The following IFT140 variants were observed in gnomAD, a reference collection of about 807,000 sequenced individuals.
IFT140 encodes the protein intraflagellar transport protein 140 homolog.
A neutral mutation model predicts 164.6 loss-of-function variants in IFT140; 133 were observed. The ratio of observed to expected loss-of-function variants is 0.81; its 90% confidence interval spans 0.70 to 0.93. The LOEUF is 0.93. IFT140 is among the 40% of genes least tolerant of loss of function. The probability of loss-of-function intolerance (pLI) is 0.00; values close to 1 mark genes in which losing one functional copy is unlikely to be tolerated. For missense variants in IFT140, 2,045 were observed against 1,972.3 expected, an observed-to-expected ratio of 1.04 and a Z score of -0.70; for synonymous variants, 860 against 817.3, an observed-to-expected ratio of 1.05 and a Z score of -0.89.
intron 30 of IFT140, among the ~76,000 whole-genome samples, chr16:1,516,908 G>GT (rs1262769114): frequency 1.3e-5 from 2 of 152,064 alleles, no homozygotes; most frequent in Admixed American, 6.6e-5. Flanking sequence ...ATCAGAGTGA[G>GT]ACACTGCAGA....
intron 24 of IFT140, chr16:1,524,250 T>C (rs2040606880): frequency 1.7e-6 from 1 of 601,102 alleles, no homozygotes; most frequent in African/African-American, 1.9e-5. Context: ...GCCCAACAGC[T>C]ATCTAGGAAG....
chr16:1,607,591 G>A (rs1405495778), intron 2 of IFT140, among the ~76,000 whole-genome samples: 3 of 152,178 alleles, frequency 2.0e-5, no homozygotes, highest in Non-Finnish European at 2.9e-5. Context: ...AACTACACAC[G>A]CAATCCTCAG....
chr16:1,560,344 G>A (rs904106827), intron 18 of IFT140, among the ~76,000 whole-genome samples: 5 of 152,210 alleles, frequency 3.3e-5, no homozygotes, highest in African/African-American at 1.2e-4. Flanking sequence ...TCTACATGGT[G>A]ACCAGGAACA....
At chr16:1,521,861 G>GAA (rs111953232) in intron 26 of IFT140, among the ~76,000 whole-genome samples, 3 of 107,808 alleles carry the variant, frequency 2.8e-5, no homozygotes, top group Non-Finnish European at 4.0e-5. Context: ...ATCTCCACAA[G>GAA]AAAAAAAAAC....
intron 19 of IFT140, among the ~76,000 whole-genome samples, chr16:1,550,388 C>T (rs527423313): frequency 3.9e-5 from 6 of 152,346 alleles, no homozygotes; most frequent in South Asian, 4.1e-4. Flanking sequence ...ATGCTCTAAA[C>T]GACGCATTTT....
intron 19 of IFT140, among the ~76,000 whole-genome samples, chr16:1,543,633 C>T (rs142421538): frequency 1.5e-3 from 224 of 152,336 alleles, no homozygotes; most frequent in African/African-American, 5.0e-3. Flanking sequence ...TTTCTGCCCC[C>T]ACCCAACTGA....
chr16:1,560,625 T>C (rs2033353081), intron 18 of IFT140, among the ~76,000 whole-genome samples: 1 of 152,164 alleles, frequency 6.6e-6, no homozygotes, highest in South Asian at 2.1e-4. Context: ...TTGGCTTCTG[T>C]GGCCATGCAG....
intron 25 of IFT140, 31 bp downstream of exon 25, chr16:1,523,797 C>G: frequency 9.9e-6 from 16 of 1,608,740 alleles, no homozygotes; most frequent in Non-Finnish European, 1.4e-5. Context: ...GCTGCCCCTC[C>G]CCCAGGTCCC....
chr16:1,596,012 C>T lies in IFT140; in HGVS notation c.370-3424G>A, dbSNP rs566302406. On this transcript the variant is annotated intron_variant, in intron 4 of 30. Transcript: ENST00000426508. ...CAGAGCTTGCAATGAGCCAAGATCC[C>T]GCCACTGCACTCCAGCCTGGGTGAC... 1.0e-4 allele frequency among the ~76,000 whole-genome samples: 15 copies of T among 150,396 alleles called. No individual in the cohort carries two copies. The South Asian group carries it at 2.7e-3, about 28-fold the overall frequency.
intron 3 of IFT140, among the ~76,000 whole-genome samples, chr16:1,606,915 CCCA>C (rs1400585466): frequency 6.6e-6 from 1 of 152,020 alleles, no homozygotes; most frequent in African/African-American, 2.4e-5. Flanking sequence ...TATGCACACA[CCCA>C]CGTGTGCGCA....
intron 11 of IFT140, 26 bp downstream of exon 11, chr16:1,584,191 C>T: frequency 6.2e-7 from 1 of 1,601,808 alleles, no homozygotes; most frequent in Non-Finnish European, 8.5e-7. Flanking sequence ...GTCTGTGTCC[C>T]ACCCACGGGT....
At chr16:1,599,493 C>G (rs1596455640) in intron 4 of IFT140, among the ~76,000 whole-genome samples, 1 of 83,558 alleles carries the variant, frequency 1.2e-5, no homozygotes, top group East Asian at 4.5e-4. Context: ...CCCCGCCCGG[C>G]CAGCCGCCCC....
intron 4 of IFT140, among the ~76,000 whole-genome samples, chr16:1,600,886 G>T (rs1201276191): frequency 6.7e-6 from 1 of 149,012 alleles, no homozygotes; most frequent in Non-Finnish European, 1.5e-5. Context: ...TAAATTTCAT[G>T]AAAGACCAAA....
intron 3 of IFT140, chr16:1,604,357 C>T (rs576233445): frequency 2.6e-5 from 4 of 151,138 alleles, no homozygotes; most frequent in East Asian, 2.0e-4. Context: ...TAGCCACTTT[C>T]ACCTGAAGGA....
At chr16:1,607,405 A>T (rs2036132631) in intron 2 of IFT140, 108 bp from the exon 3 acceptor site, 1 of 954,476 alleles carries the variant, frequency 1.0e-6, no homozygotes, top group African/African-American at 1.7e-5. Context: ...CCATCGGAAG[A>T]CCATCGGCAA....
Position 1,510,822 on chromosome 16 carries a change from G to T in IFT140, c.*122C>A. 1.1e-6 allele frequency: 1 copy of T among 928,480 alleles called. No individual in the cohort carries two copies. Among genetic ancestry groups the T allele is most frequent in the Non-Finnish European group, 1.7e-6 (1 of 596,700 alleles). The allele number at this position is 928,480 out of a possible 1,614,324, so 57.5% of individuals were successfully genotyped here. ...GGCCGCTGCGTTCTCGCCCAGCTCT[G>T]TCGCGTATTCCAACACAGACATGTT... On this transcript the variant is annotated 3_prime_UTR_variant, in exon 31 of 31. Coordinates refer to ENST00000426508, the MANE Select transcript of IFT140 (RefSeq NM_014714.4).
chr16:1,593,255 G>A (rs765950915), intron 4 of IFT140, among the ~76,000 whole-genome samples: 1 of 152,038 alleles, frequency 6.6e-6, no homozygotes, highest in African/African-American at 2.4e-5. Context: ...TCTACAGAGC[G>A]TCTCCACATC....
At chr16:1,557,759 C>A in intron 19 of IFT140, 176 bp downstream of exon 19, 1 of 650,678 alleles carries the variant, frequency 1.5e-6, no homozygotes, top group Non-Finnish European at 2.7e-6. Flanking sequence ...GAGCTTCCCA[C>A]GTGGCATCTG....
At chr16:1,554,020 C>A in intron 19 of IFT140, 1 of 1,287,240 alleles carries the variant, frequency 7.8e-7, no homozygotes, top group Non-Finnish European at 1.0e-6. Context: ...CGGCCCACCT[C>A]TCCTTCTCTG....
Sources: gnomAD v4.1 joint callset for allele counts (sites outside exome capture counted in the v4.1 genomes callset) on GRCh38, gnomAD v4.1.1 for gene constraint, MANE v1.5 for transcripts, NCBI Gene and HGNC (gene_info 2026-07-23, HGNC 2026-07-21) for gene names.